Variants in MYO10 observed in about 807,000 individuals in gnomAD.
MYO10 encodes myosin X, also known as unconventional myosin-X.
MYO10 carries 133 observed loss-of-function variants against 257.3 expected under a neutral mutation model. The ratio of observed to expected loss-of-function variants is 0.52; its 90% CI spans 0.45 to 0.60. The LOEUF is 0.60. Among genes scored for constraint, MYO10 ranks in the 20% least tolerant of loss-of-function variants. The pLI, the probability that MYO10 is intolerant of heterozygous loss-of-function variation, is 0.00. For synonymous variants in MYO10, 1,104 were observed against 1,028.6 expected (o/e 1.07, Z -1.40); for missense variants, 2,399 against 2,635.7 (o/e 0.91, Z 1.97).
chr5:16,855,172 A>C (rs1045016713), intron 2 of MYO10, among the ~76,000 whole-genome samples: 5 of 152,246 alleles, frequency 3.3e-5, no homozygotes, highest in African/African-American at 1.2e-4. Flanking sequence ...TAACATCTGC[A>C]AACTATTTTA....
intron 19 of MYO10, among the ~76,000 whole-genome samples, chr5:16,738,820 G>A (rs1739906772): frequency 6.7e-6 from 1 of 149,800 alleles, no homozygotes. Context: ...GAACCTAGGA[G>A]GCAGAGATTG....
intron 2 of MYO10, among the ~76,000 whole-genome samples, chr5:16,871,015 T>C (rs1744443795): frequency 6.6e-6 from 1 of 152,222 alleles, no homozygotes; most frequent in African/African-American, 2.4e-5. Context: ...TGTGTGTGTG[T>C]TTACATATAT....
In MYO10 at chr5:16,681,388, G is replaced by A. The variant is rs1171054379; in HGVS notation, c.4305C>T (p.Asn1435=). The stretch of plus-strand genomic sequence containing the variant: ...GGACCAGGGTCCCCAGTTTGAGCGC[G>A]TTCTTCTCTGAACTCTTGTAGTAAT... ...SLDYYKSSEK[N]ALKLGTLVLN... Residue 1435 remains asparagine (N), a synonymous_variant, in exon 32 of 41, where the codon AAC becomes AAT. Coordinates refer to ENST00000513610, the MANE Select transcript of MYO10 (RefSeq NM_012334.3). 6 of 1,613,968 alleles carry A rather than the reference G, an allele frequency of 3.7e-6. No homozygotes were observed. In the East Asian group the frequency reaches 6.7e-5, roughly 18 times the overall value.
At chr5:16,818,245 T>C in intron 2 of MYO10, 78 bp from the exon 3 acceptor site, 1 of 1,234,164 alleles carries the variant, frequency 8.1e-7, no homozygotes, top group Middle Eastern at 2.0e-4. Flanking sequence ...AAACTGACAA[T>C]ACAATCTCAG....
chr5:16,851,582 C>T (rs1487255834), intron 2 of MYO10, among the ~76,000 whole-genome samples: 2 of 152,122 alleles, frequency 1.3e-5, no homozygotes, highest in Non-Finnish European at 2.9e-5. Context: ...CTCTTTAGTG[C>T]CCAGGTCATA....
chr5:16,748,988 G>A (rs572661134), intron 19 of MYO10, among the ~76,000 whole-genome samples: 10 of 152,150 alleles, frequency 6.6e-5, no homozygotes, highest in South Asian at 4.2e-4. Flanking sequence ...CTTGTGTCTC[G>A]GGGTAGAGAC....
intron 28 of MYO10, among the ~76,000 whole-genome samples, chr5:16,686,698 G>C (rs190558937): frequency 2.9e-4 from 43 of 148,596 alleles, no homozygotes; most frequent in Non-Finnish European, 5.1e-4. Flanking sequence ...GCTAATTTTT[G>C]GTATTTTCAG....
At chr5:16,818,381 C>CAT (rs1208039745) in intron 2 of MYO10, among the ~76,000 whole-genome samples, 2 of 134,012 alleles carry the variant, frequency 1.5e-5, no homozygotes, top group African/African-American at 5.9e-5. Context: ...TGTGTGTGTG[C>CAT]GTGTGTGTGT....
At position 16,930,346 on chromosome 5, in the gene MYO10, G is replaced by A. The variant is rs917045816; in HGVS notation, c.21+5442C>T. Among the ~76,000 whole-genome samples the A allele has an allele frequency of 2.3e-4, 35 of 152,134 alleles. 1 individual carries two copies. The highest frequency in any genetic ancestry group is 4.1e-4 in the African/African-American group (17 of 41,428). On this transcript the variant is annotated intron_variant, in intron 1 of 40. Transcript: ENST00000513610. ...GATCCTCTGGTGTAGGATCACGTGC[G>A]AGAAAAGAATAAAGAGAGAGTTACA... is the stretch of plus-strand genomic sequence containing the variant.
chr5:16,853,408 T>G (rs1743869866), intron 2 of MYO10, among the ~76,000 whole-genome samples: 1 of 152,086 alleles, frequency 6.6e-6, no homozygotes, highest in African/African-American at 2.4e-5. Context: ...ATATGTTATG[T>G]CAGTTCTCTT....
intron 3 of MYO10, among the ~76,000 whole-genome samples, chr5:16,803,627 A>T (rs979018046): frequency 3.9e-5 from 6 of 152,204 alleles, no homozygotes; most frequent in Non-Finnish European, 8.8e-5. Context: ...ATGAACTCCC[A>T]CAAACCAACA....
intron 3 of MYO10, among the ~76,000 whole-genome samples, chr5:16,807,532 T>C (rs963001694): frequency 3.9e-5 from 6 of 152,076 alleles, no homozygotes; most frequent in Admixed American, 2.0e-4. Flanking sequence ...CCCTACAGCT[T>C]TCATGAGTCC....
intron 19 of MYO10, among the ~76,000 whole-genome samples, chr5:16,752,001 A>C (rs1443536884): frequency 6.6e-6 from 1 of 152,236 alleles, no homozygotes; most frequent in Non-Finnish European, 1.5e-5. Context: ...GTTCTGCAAT[A>C]GTCTGGCTGC....
intron 26 of MYO10, among the ~76,000 whole-genome samples, chr5:16,697,765 A>C (rs1737824667): frequency 6.7e-6 from 1 of 148,592 alleles, no homozygotes. Context: ...ATGAAGAAAG[A>C]CGGCAATAAA....
At chr5:16,847,423 CAAAA>C (rs34084990) in intron 2 of MYO10, among the ~76,000 whole-genome samples, 12 of 134,334 alleles carry the variant, frequency 8.9e-5, no homozygotes, top group East Asian at 4.4e-4. Flanking sequence ...GACTCCACCT[CAAAA>C]AAAAAAAAAA....
intron 19 of MYO10, among the ~76,000 whole-genome samples, chr5:16,751,781 T>C (rs989023777): frequency 3.3e-5 from 5 of 151,994 alleles, no homozygotes; most frequent in African/African-American, 1.2e-4. Flanking sequence ...CTCCCAGCCT[T>C]CTGAGTGCCT....
chr5:16,668,098 T>C (rs1347750125), intron 40 of MYO10, among the ~76,000 whole-genome samples, 179 bp downstream of exon 40: 1 of 152,086 alleles, frequency 6.6e-6, no homozygotes, highest in Non-Finnish European at 1.5e-5. Flanking sequence ...AATATGGTGA[T>C]CTCAGATTTT....
At position 16,761,471 on chromosome 5, in the gene MYO10, C is replaced by T. The variant is rs755839853; in HGVS notation, c.1732G>A (p.Glu578Lys). The change falls in exon 17 of 41, where the codon GAA becomes AAA. Residue 578 changes from glutamate to lysine, a missense_variant. Coordinates refer to ENST00000513610, the MANE Select transcript of MYO10 (RefSeq NM_012334.3). Reference sequence around the variant, plus strand: ...GTGAGAAGACTGACATACCGGCTTTCTCTTAGCAAATTGAGAAGGTCATCT... The same window carrying T: ...GTGAGAAGACTGACATACCGGCTTTTTCTTAGCAAATTGAGAAGGTCATCT... ...FRDDLLNLLR[E>K]SRFDFIYDLF... 1 of 1,612,152 alleles carries T rather than the reference C, an allele frequency of 6.2e-7. No individual in the cohort carries two copies. The highest frequency in any genetic ancestry group is 1.3e-5 in the African/African-American group (1 of 74,830).
intron 1 of MYO10, among the ~76,000 whole-genome samples, chr5:16,905,630 G>A (rs1486828214): frequency 6.6e-6 from 1 of 152,058 alleles, no homozygotes; most frequent in Non-Finnish European, 1.5e-5. Context: ...TCCAGAGTCT[G>A]CCAAAGAAAA....
Sources: allele counts gnomAD v4.1 joint callset (sites outside exome capture counted in the v4.1 genomes callset), GRCh38; gene constraint gnomAD v4.1.1; transcripts MANE v1.5; gene names NCBI Gene and HGNC (gene_info 2026-07-23, HGNC 2026-07-21).